PRKAR1B: variants seen among roughly 807,000 people sequenced by gnomAD.
PRKAR1B encodes the protein protein kinase cAMP-dependent type I regulatory subunit beta.
Under a neutral mutation model 46.5 loss-of-function variants are expected in PRKAR1B, and 22 were observed. That is an observed-to-expected ratio of 0.47 (90% CI 0.34 to 0.68). The LOEUF (loss-of-function observed/expected upper bound fraction) is 0.68. Among genes scored for constraint, PRKAR1B ranks in the 30% least tolerant of loss-of-function variants. The pLI is 0.01. For synonymous variants in PRKAR1B, 259 were observed against 217.7 expected (o/e 1.19, Z -1.67); for missense variants, 445 against 535.6 (o/e 0.83, Z 1.67).
intron 4 of PRKAR1B, among the ~76,000 whole-genome samples, chr7:616,757 G>C (rs1028780959): frequency 6.6e-6 from 1 of 152,178 alleles, no homozygotes; most frequent in Non-Finnish European, 1.5e-5. Flanking sequence ...CCGCGGCATC[G>C]ATGTTTTCAA....
At chr7:652,346 C>CACACAGAG (rs1749836501) in intron 4 of PRKAR1B, among the ~76,000 whole-genome samples, 1 of 150,736 alleles carries the variant, frequency 6.6e-6, no homozygotes, top group Admixed American at 6.6e-5. Flanking sequence ...AGTTCACACC[C>CACACAGAG]ACACAGAGCT....
chr7:577,155 C>CAACTCCA (rs1779902420), intron 9 of PRKAR1B, among the ~76,000 whole-genome samples: 1 of 152,214 alleles, frequency 6.6e-6, no homozygotes, highest in Admixed American at 6.5e-5. Context: ...CGGCCCCAGC[C>CAACTCCA]GCATTGCTGG....
chr7:551,529 C>A (rs960118951), intron 9 of PRKAR1B, 59 bp from the exon 10 acceptor site: 1 of 1,503,420 alleles, frequency 6.7e-7, no homozygotes, highest in Non-Finnish European at 9.0e-7. Flanking sequence ...GTGGGACACA[C>A]GTGAGGGGTC....
At chr7:641,607 G>A (rs939021362) in intron 4 of PRKAR1B, among the ~76,000 whole-genome samples, 1 of 152,160 alleles carries the variant, frequency 6.6e-6, no homozygotes, top group African/African-American at 2.4e-5. Flanking sequence ...GGCAGGGAGC[G>A]GGCGGTGATC....
At chr7:665,796 T>C (rs913478095) in intron 4 of PRKAR1B, among the ~76,000 whole-genome samples, 4 of 152,176 alleles carry the variant, frequency 2.6e-5, no homozygotes, top group East Asian at 1.9e-4. Context: ...TGCCCGTGAA[T>C]TCGGCAGAAG....
At chr7:707,451 T>C (rs1780387314) in intron 2 of PRKAR1B, among the ~76,000 whole-genome samples, 1 of 152,154 alleles carries the variant, frequency 6.6e-6, no homozygotes, top group African/African-American at 2.4e-5. Context: ...AGCAAAGGCT[T>C]GCTGTTGGAG....
chr7:558,793 C>T (rs1347829975), intron 9 of PRKAR1B, among the ~76,000 whole-genome samples: 1 of 152,186 alleles, frequency 6.6e-6, no homozygotes, highest in African/African-American at 2.4e-5. Flanking sequence ...CAGCCAAGGT[C>T]TTAGCATCAG....
intron 4 of PRKAR1B, among the ~76,000 whole-genome samples, chr7:612,460 A>G (rs936710809): frequency 1.4e-4 from 19 of 136,738 alleles, no homozygotes; most frequent in Admixed American, 4.2e-4. Context: ...AGATTAGTGG[A>G]TGGATGGATG....
chr7:689,019 T>C (rs747465282), intron 2 of PRKAR1B, among the ~76,000 whole-genome samples: 40 of 152,206 alleles, frequency 2.6e-4, no homozygotes, highest in Non-Finnish European at 3.5e-4. Flanking sequence ...AAGCAAATCA[T>C]GGAATTTGTG....
intron 6 of PRKAR1B, among the ~76,000 whole-genome samples, chr7:604,405 G>C (rs1364770580): frequency 1.3e-5 from 2 of 152,204 alleles, no homozygotes; most frequent in Non-Finnish European, 2.9e-5. Flanking sequence ...ACCTGCCTCA[G>C]TTTCCATCTC....
intron 4 of PRKAR1B, among the ~76,000 whole-genome samples, chr7:629,787 G>A (rs1269129809): frequency 3.3e-5 from 3 of 90,952 alleles, no homozygotes; most frequent in Admixed American, 1.1e-4. Context: ...CACGGCCTCC[G>A]AGGGCGTCAC....
At chr7:718,862 G>GTT (rs1265021630) in intron 1 of PRKAR1B, among the ~76,000 whole-genome samples, 2 of 95,386 alleles carry the variant, frequency 2.1e-5, no homozygotes, top group South Asian at 4.1e-4. Context: ...TCTTTTATAG[G>GTT]CTTTTTTTTT....
intron 2 of PRKAR1B, among the ~76,000 whole-genome samples, chr7:709,449 C>A (rs950832182): frequency 6.7e-6 from 1 of 149,792 alleles, no homozygotes; most frequent in Non-Finnish European, 1.5e-5. Flanking sequence ...TGGCTCACTG[C>A]AAGCTCCACC....
chr7:630,806 A>ACC (rs111365364), intron 4 of PRKAR1B, among the ~76,000 whole-genome samples: 9 of 150,222 alleles, frequency 6.0e-5, no homozygotes, highest in South Asian at 2.1e-4. Context: ...TGGGGAGCAC[A>ACC]CCCCCCCCAC....
At chr7:656,526 T>C (rs1785200330) in intron 4 of PRKAR1B, among the ~76,000 whole-genome samples, 1 of 151,860 alleles carries the variant, frequency 6.6e-6, no homozygotes, top group Admixed American at 6.6e-5. Context: ...AATGTATGGA[T>C]AAGGGGGGAA....
Position 550,585 on chromosome 7 carries a change from G to A in PRKAR1B, c.991C>T (p.Leu331=). The change falls in exon 11 of 11, where the codon CTG becomes TTG. Residue 331 remains leucine (L), a synonymous_variant. Coordinates refer to ENST00000537384, the MANE Select transcript of PRKAR1B (RefSeq NM_001164760.2). ...ACAGTGGCCGCCCGGGGCCGGTTCA[G>A]CAGCAGTGCAATCTCCCCTGGGGGT... ...SDYFGEIALL[L]NRPRAATVVA... 1 of 1,586,376 alleles carries A rather than the reference G, an allele frequency of 6.3e-7. No individual in the cohort carries two copies. The highest frequency in any genetic ancestry group is 1.1e-5 in the South Asian group (1 of 87,404).
chr7:662,404 T>C (rs1317953726), intron 4 of PRKAR1B, among the ~76,000 whole-genome samples: 2 of 110,012 alleles, frequency 1.8e-5, no homozygotes, highest in African/African-American at 7.4e-5. Context: ...ATGGCACAGG[T>C]CCCCATCCCA....
chr7:694,090 C>T (rs781267412), intron 2 of PRKAR1B, among the ~76,000 whole-genome samples: 1 of 152,100 alleles, frequency 6.6e-6, no homozygotes, highest in Non-Finnish European at 1.5e-5. Flanking sequence ...GGAGACCATC[C>T]TGGCTAACAC....
chr7:691,422 A>G, intron 2 of PRKAR1B: 1 of 1,141,616 alleles, frequency 8.8e-7, no homozygotes, highest in African/African-American at 1.6e-5. Flanking sequence ...GGGGTGCAGG[A>G]GGGTGGCTTT....
Sources: allele counts gnomAD v4.1 joint callset (sites outside exome capture counted in the v4.1 genomes callset), GRCh38; gene constraint gnomAD v4.1.1; transcripts MANE v1.5; gene names NCBI Gene and HGNC (gene_info 2026-07-23, HGNC 2026-07-21).